Variants in HNRNPA1L2 observed in about 807,000 individuals in gnomAD.
The protein encoded by HNRNPA1L2 is heterogeneous nuclear ribonucleoprotein A1 like 2, also known as heterogeneous nuclear ribonucleoprotein A1-like 2.
HNRNPA1L2 carries 10 observed loss-of-function variants against 18.2 expected under a neutral mutation model. The observed-to-expected ratio is 0.55, with a 90% confidence interval of 0.34 to 0.93. The LOEUF (loss-of-function observed/expected upper bound fraction) is 0.93. Among genes scored for constraint, HNRNPA1L2 ranks in the 40% least tolerant of loss-of-function variants. HNRNPA1L2 has a pLI of 0.02. For missense variants in HNRNPA1L2, 308 were observed against 394.4 expected, an observed-to-expected ratio of 0.78 and a Z score of 1.85; for synonymous variants, 124 against 138.6, an observed-to-expected ratio of 0.89 and a Z score of 0.74.
At chr13:52,633,196 G>A in the HNRNPA1L2 span, among the ~76,000 whole-genome samples, 2 of 152,300 alleles carry the variant, frequency 1.3e-5, no homozygotes, top group African/African-American at 4.8e-5. Flanking sequence ...AAGACATAGT[G>A]GTTCCTGTCC....
chr13:52,640,160 C>T (rs540874388), upstream of HNRNPA1L2, among the ~76,000 whole-genome samples: 17 of 152,100 alleles, frequency 1.1e-4, no homozygotes, highest in Non-Finnish European at 2.4e-4. Context: ...TGTCTGGTCT[C>T]CAACTCCTGG....
chr13:52,618,869 C>T, the HNRNPA1L2 span, among the ~76,000 whole-genome samples: 2 of 152,160 alleles, frequency 1.3e-5, no homozygotes. Context: ...TATGGAGTTA[C>T]TTATACATAA....
At chr13:52,636,473 G>A in the HNRNPA1L2 span, among the ~76,000 whole-genome samples, 2 of 152,306 alleles carry the variant, frequency 1.3e-5, no homozygotes, top group South Asian at 2.1e-4. Flanking sequence ...CATGTAATAT[G>A]ATGGTGGTAA....
chr13:52,629,326 C>G, the HNRNPA1L2 span: 2 of 220,662 alleles, frequency 9.1e-6, no homozygotes, highest in Admixed American at 8.3e-5. Context: ...GACAATTATC[C>G]TGGCCTGGAG....
the HNRNPA1L2 span, among the ~76,000 whole-genome samples, chr13:52,622,724 T>C: frequency 5.9e-5 from 9 of 152,242 alleles, no homozygotes; most frequent in Non-Finnish European, 8.8e-5. Context: ...TGACTTCCTG[T>C]GACCAATAAC....
chr13:52,643,440 T>A lies in HNRNPA1L2; in HGVS notation c.948T>A (p.Ser316Arg). The A allele has an allele frequency of 1.3e-6, 2 of 1,597,988 alleles. No homozygotes were observed. Among genetic ancestry groups the A allele is most frequent in the South Asian group, 2.2e-5 (2 of 91,022 alleles). The change falls in exon 1 of 1, where the codon AGT becomes AGA. Residue 316 changes from serine (S) to arginine (R), a missense_variant. Ser to Arg is a moderately radical substitution (Grantham distance 110). Transcript: ENST00000357495. Reference protein sequence around the residue: ...GVSSSSSSYGSGRRF With the variant: ...GVSSSSSSYGRGRRF ...CCAGCAGCAGCAGTAGCTATGGCAG[T>A]GGCAGAAGATTTTAATTAGGAAACA...
At chr13:52,617,586 C>T in the HNRNPA1L2 span, 3 of 459,118 alleles carry the variant, frequency 6.5e-6, no homozygotes, top group Non-Finnish European at 8.0e-6. Context: ...GCGTTTCTAC[C>T]TCTTCGCACC....
chr13:52,633,591 G>A, the HNRNPA1L2 span, among the ~76,000 whole-genome samples: 2 of 152,134 alleles, frequency 1.3e-5, no homozygotes, highest in African/African-American at 4.8e-5. Context: ...ACAACAGGAT[G>A]GCTTGGGATT....
chr13:52,632,409 T>G, the HNRNPA1L2 span: 1 of 152,722 alleles, frequency 6.5e-6, no homozygotes, highest in Non-Finnish European at 1.5e-5. Flanking sequence ...CATTAAAATG[T>G]TCTTTTTTTT....
the HNRNPA1L2 span, among the ~76,000 whole-genome samples, chr13:52,619,393 AC>A: frequency 3.3e-5 from 5 of 151,796 alleles, no homozygotes; most frequent in East Asian, 3.9e-4. Flanking sequence ...GCTCGCTGCA[AC>A]CTCTGCCTCC....
the HNRNPA1L2 span, among the ~76,000 whole-genome samples, chr13:52,621,359 A>G: frequency 5.3e-5 from 8 of 152,174 alleles, no homozygotes; most frequent in Non-Finnish European, 1.2e-4. Flanking sequence ...GAGAATGTTG[A>G]TCAGATTAAA....
chr13:52,624,834 A>C, the HNRNPA1L2 span, among the ~76,000 whole-genome samples: 11 of 152,072 alleles, frequency 7.2e-5, no homozygotes, highest in Non-Finnish European at 1.6e-4. Context: ...GCTGAGACCT[A>C]CCTGATCGAC....
chr13:52,635,043 T>G, the HNRNPA1L2 span, among the ~76,000 whole-genome samples: 1 of 152,162 alleles, frequency 6.6e-6, no homozygotes, highest in African/African-American at 2.4e-5. Context: ...CTGAGACAAT[T>G]AAGTTATTTC....
chr13:52,618,874 A>T, the HNRNPA1L2 span, among the ~76,000 whole-genome samples: 3 of 152,330 alleles, frequency 2.0e-5, no homozygotes, highest in East Asian at 5.8e-4. Flanking sequence ...AGTTACTTAT[A>T]CATAATTTTC....
chr13:52,643,756 T>A lies in HNRNPA1L2; in HGVS notation c.*301T>A. 4 of 435,994 alleles carry A rather than the reference T, an allele frequency of 9.2e-6. No homozygotes were observed. The South Asian group carries it at 9.8e-5, about 11-fold the overall frequency. 27.0% of individuals were successfully genotyped at this position (435,994 alleles called of 1,614,324 possible). On this transcript the variant is annotated 3_prime_UTR_variant, in exon 1 of 1. Transcript: ENST00000357495. The stretch of plus-strand genomic sequence containing the variant: ...TGCTGTTGATTGCTAAATGTAATAG[T>A]CTGATTGTGACGCTGAATAAATGTC...
At chr13:52,624,934 G>T in the HNRNPA1L2 span, among the ~76,000 whole-genome samples, 2 of 152,020 alleles carry the variant, frequency 1.3e-5, no homozygotes, top group East Asian at 3.9e-4. Flanking sequence ...GGGAGGCTGA[G>T]GTGGGAGAAT....
At chr13:52,642,352 G>A (rs1961685001), upstream of HNRNPA1L2, 6 of 1,143,546 alleles carry the variant, frequency 5.2e-6, no homozygotes. Flanking sequence ...TATGAAAAAT[G>A]TATTTATTTC....
At chr13:52,633,824 G>T in the HNRNPA1L2 span, among the ~76,000 whole-genome samples, 3 of 152,008 alleles carry the variant, frequency 2.0e-5, no homozygotes, top group Non-Finnish European at 4.4e-5. Flanking sequence ...AGGGGAAAAA[G>T]AAAATGTTGT....
chr13:52,637,756 C>T (rs923186259), upstream of HNRNPA1L2, among the ~76,000 whole-genome samples: 2 of 152,140 alleles, frequency 1.3e-5, no homozygotes, highest in African/African-American at 4.8e-5. Flanking sequence ...TTCGACAGTA[C>T]TATCATTCTG....
Sources: allele counts gnomAD v4.1 joint callset (sites outside exome capture counted in the v4.1 genomes callset), GRCh38; gene constraint gnomAD v4.1.1; transcripts MANE v1.5; gene names NCBI Gene and HGNC (gene_info 2026-07-23, HGNC 2026-07-21).